LMX1A: variants seen among roughly 807,000 people sequenced by gnomAD.
LMX1A encodes LIM homeobox transcription factor 1 alpha.
Under a neutral mutation model 49.1 loss-of-function variants are expected in LMX1A, and 15 were observed. That is an observed-to-expected ratio of 0.31 (90% CI 0.20 to 0.47). LMX1A has a LOEUF of 0.47. Ranked by LOEUF, LMX1A falls within the 20% of genes least tolerant of loss-of-function variation. LMX1A has a pLI of 1.00. For synonymous variants in LMX1A, 167 were observed against 185.7 expected, an observed-to-expected ratio of 0.90 and a Z score of 0.82; for missense variants, 372 against 475.8, an observed-to-expected ratio of 0.78 and a Z score of 2.03.
intron 3 of LMX1A, among the ~76,000 whole-genome samples, chr1:165,340,818 C>T (rs536162395): frequency 1.1e-3 from 168 of 152,294 alleles, no homozygotes; most frequent in Non-Finnish European, 1.7e-3. Flanking sequence ...TAACAGTCCA[C>T]CTTGTCCCTT....
intron 3 of LMX1A, among the ~76,000 whole-genome samples, chr1:165,283,378 G>A (rs1412860326): frequency 6.6e-6 from 1 of 152,312 alleles, no homozygotes; most frequent in East Asian, 1.9e-4. Context: ...CTCTCAGAAT[G>A]AATCCCAGTC....
intron 3 of LMX1A, among the ~76,000 whole-genome samples, chr1:165,250,430 T>C (rs1653015210): frequency 6.6e-6 from 1 of 152,284 alleles, no homozygotes; most frequent in East Asian, 1.9e-4. Flanking sequence ...CCCACTCTTA[T>C]CAGCATATAA....
At chr1:165,239,981 T>G (rs1652588860) in intron 4 of LMX1A, among the ~76,000 whole-genome samples, 1 of 152,200 alleles carries the variant, frequency 6.6e-6, no homozygotes, top group Admixed American at 6.5e-5. Flanking sequence ...GGTTTGCAAG[T>G]AATTGTGCTT....
At chr1:165,217,949 G>A (rs74761600) in intron 4 of LMX1A, among the ~76,000 whole-genome samples, 4,557 of 152,224 alleles carry the variant, frequency 0.03, 222 homozygotes, top group African/African-American at 0.1. Flanking sequence ...GTCTACAGAC[G>A]TTTCATCTAA....
At chr1:165,325,915 T>A (rs1402169435) in intron 3 of LMX1A, among the ~76,000 whole-genome samples, 1 of 152,194 alleles carries the variant, frequency 6.6e-6, no homozygotes. Context: ...TATCTGCAGC[T>A]ACCCTAAGAC....
At position 165,326,189 on chromosome 1, in the gene LMX1A, C is replaced by T. The variant is rs988863510; in HGVS notation, c.263+26887G>A. Among the ~76,000 whole-genome samples, 11 of 152,030 alleles carry T rather than the reference C, an allele frequency of 7.2e-5. No homozygotes were observed. The South Asian group carries it at 1.0e-3, about 14-fold the overall frequency. On this transcript the variant is annotated intron_variant, in intron 3 of 8. Transcript: ENST00000342310. Reference sequence around the variant, plus strand: ...AAATGATGATTAAAGGAGCTAGAGACGGGGAGGAGGGGAAGGGGGGTAGAT... The same window carrying T: ...AAATGATGATTAAAGGAGCTAGAGATGGGGAGGAGGGGAAGGGGGGTAGAT...
chr1:165,284,515 G>A (rs1044919329), intron 3 of LMX1A, among the ~76,000 whole-genome samples: 1 of 152,216 alleles, frequency 6.6e-6, no homozygotes, highest in Non-Finnish European at 1.5e-5. Flanking sequence ...AGGCTGTGGA[G>A]GTCAGAGTTA....
intron 3 of LMX1A, among the ~76,000 whole-genome samples, chr1:165,263,686 A>T (rs777561363): frequency 5.9e-5 from 9 of 152,236 alleles, no homozygotes; most frequent in Non-Finnish European, 8.8e-5. Flanking sequence ...AAATCAGATC[A>T]TGCCCCTCAT....
At chr1:165,346,400 T>C (rs1443956571) in intron 3 of LMX1A, among the ~76,000 whole-genome samples, 1 of 152,248 alleles carries the variant, frequency 6.6e-6, no homozygotes, top group Non-Finnish European at 1.5e-5. Context: ...CACAGTCCAC[T>C]TTGTATTTTT....
At chr1:165,313,459 C>T (rs1309109932) in intron 3 of LMX1A, among the ~76,000 whole-genome samples, 1 of 148,906 alleles carries the variant, frequency 6.7e-6, no homozygotes, top group African/African-American at 2.5e-5. Context: ...CTTAGTCACA[C>T]ACACCTTCTT....
rs181132221 is a variant in LMX1A, at chr1:165,218,213, G to A, written c.497-4400C>T. On this transcript the variant is annotated intron_variant, in intron 4 of 8. Coordinates refer to ENST00000342310, the MANE Select transcript of LMX1A (RefSeq NM_177398.4). ...ACACATCCTGTGTCCCGTTCTTCCA[G>A]CTCTGACTCTGGAGGCAGGAAACAC... Among the ~76,000 whole-genome samples the A allele has an allele frequency of 2.6e-5, 4 of 152,328 alleles. No individual in the cohort carries two copies. In the East Asian group the frequency reaches 7.7e-4, roughly 29 times the overall value.
At chr1:165,351,854 T>G (rs1656440512) in intron 3 of LMX1A, among the ~76,000 whole-genome samples, 1 of 152,262 alleles carries the variant, frequency 6.6e-6, no homozygotes, top group Non-Finnish European at 1.5e-5. Context: ...CTTCTCCCGT[T>G]CAGCCCCTCT....
intron 3 of LMX1A, among the ~76,000 whole-genome samples, chr1:165,264,274 A>C (rs903355316): frequency 6.6e-6 from 1 of 152,162 alleles, no homozygotes; most frequent in Non-Finnish European, 1.5e-5. Context: ...TCTGCTCCCC[A>C]TACCCAGCTC....
chr1:165,235,898 C>T (rs575422714), intron 4 of LMX1A, among the ~76,000 whole-genome samples: 27 of 152,216 alleles, frequency 1.8e-4, no homozygotes, highest in African/African-American at 5.8e-4. Context: ...AAACTGCCGT[C>T]CGTGTGTGTT....
intron 3 of LMX1A, among the ~76,000 whole-genome samples, chr1:165,344,290 C>T (rs1035051591): frequency 2.0e-5 from 3 of 152,182 alleles, no homozygotes; most frequent in African/African-American, 4.8e-5. Context: ...AAGAGCTATG[C>T]CTGCATCCCT....
chr1:165,275,563 T>C (rs75034599), intron 3 of LMX1A, among the ~76,000 whole-genome samples: 7,910 of 152,246 alleles, frequency 0.052, 298 homozygotes, highest in Middle Eastern at 0.085. Context: ...TTCCCCTCAA[T>C]TACACTCTGT....
chr1:165,230,196 A>G (rs1161363303), intron 4 of LMX1A, among the ~76,000 whole-genome samples: 1 of 152,218 alleles, frequency 6.6e-6, no homozygotes, highest in Non-Finnish European at 1.5e-5. Flanking sequence ...AATAAATTTC[A>G]GTTGTTTATA....
At chr1:165,341,407 C>T (rs1163504298) in intron 3 of LMX1A, among the ~76,000 whole-genome samples, 1 of 152,136 alleles carries the variant, frequency 6.6e-6, no homozygotes, top group Non-Finnish European at 1.5e-5. Context: ...GTCACCTTTT[C>T]CATGAAGCTT....
chr1:165,284,763 A>T (rs1571201458), intron 3 of LMX1A, among the ~76,000 whole-genome samples: 1 of 152,288 alleles, frequency 6.6e-6, no homozygotes, highest in South Asian at 2.1e-4. Context: ...AGCGTTGGCC[A>T]CCCAGCACCC....
Sources: allele counts gnomAD v4.1 joint callset (sites outside exome capture counted in the v4.1 genomes callset), GRCh38; gene constraint gnomAD v4.1.1; transcripts MANE v1.5; gene names NCBI Gene and HGNC (gene_info 2026-07-23, HGNC 2026-07-21).